UVRAG: variants seen among roughly 807,000 people sequenced by gnomAD.
UVRAG encodes the protein UV radiation resistance-associated gene protein.
UVRAG carries 19 observed loss-of-function variants against 78.0 expected under a neutral mutation model. The observed-to-expected ratio is 0.24, with a 90% CI of 0.17 to 0.36. UVRAG has a LOEUF of 0.36. Among genes scored for constraint, UVRAG ranks in the 10% least tolerant of loss-of-function variants. UVRAG has a pLI of 1.00. For synonymous variants in UVRAG, 323 were observed against 324.6 expected, an observed-to-expected ratio of 1.00 and a Z score of 0.05; for missense variants, 740 against 853.8, an observed-to-expected ratio of 0.87 and a Z score of 1.66.
intron 12 of UVRAG, among the ~76,000 whole-genome samples, chr11:76,025,842 G>A (rs756977663): frequency 2.0e-5 from 3 of 152,018 alleles, no homozygotes; most frequent in Non-Finnish European, 2.9e-5. Context: ...TGCATAAGGC[G>A]GTCATATATC....
In UVRAG at chr11:76,090,331, C is replaced by G. The variant is rs563779095; in HGVS notation, c.1305+24543C>G. Among the ~76,000 whole-genome samples, 157 of 152,174 alleles carry G rather than the reference C, an allele frequency of 1.0e-3. 1 individual carries two copies. The highest frequency in any genetic ancestry group is 3.2e-3 in the Middle Eastern group (1 of 316). On this transcript the variant is annotated intron_variant, in intron 13 of 14. Transcript: ENST00000356136. ...TGCAGACTGTATACATATTAGCCTA[C>G]TACGCCTGCTTGTGCTTCCCCTTCA...
chr11:76,052,104 C>T (rs143876922), intron 12 of UVRAG, among the ~76,000 whole-genome samples: 284 of 152,332 alleles, frequency 1.9e-3, no homozygotes, highest in African/African-American at 6.6e-3. Flanking sequence ...AGCACCTACC[C>T]ATCTCATTTA....
intron 13 of UVRAG, among the ~76,000 whole-genome samples, chr11:76,068,092 T>A (rs966520512): frequency 2.0e-5 from 3 of 152,140 alleles, no homozygotes; most frequent in Non-Finnish European, 2.9e-5. Flanking sequence ...TGTACAGATA[T>A]ACACACACAT....
rs375202578 is a variant in UVRAG at position 75,932,016 on chromosome 11, TG to T, written c.593+19979del. ...CAAGAATCAAGGTCCAGTGGTCCAA[TG>T]GATGGTTTGTCTTTTTTTTCTTTTT... On this transcript the variant is annotated intron_variant, in intron 6 of 14. Coordinates refer to ENST00000356136, the MANE Select transcript of UVRAG (RefSeq NM_003369.4). Among the ~76,000 whole-genome samples the T allele has an allele frequency of 1.1e-3, 160 of 149,930 alleles. 1 individual carries two copies. The East Asian group carries it at 0.026, about 25-fold the overall frequency.
intron 5 of UVRAG, among the ~76,000 whole-genome samples, chr11:75,907,659 A>G (rs909333542): frequency 2.6e-5 from 4 of 151,690 alleles, no homozygotes; most frequent in Non-Finnish European, 4.4e-5. Flanking sequence ...GACTGCAGGC[A>G]TGCATCACCA....
chr11:75,978,571 T>A (rs896609614), intron 7 of UVRAG, among the ~76,000 whole-genome samples: 6 of 152,238 alleles, frequency 3.9e-5, no homozygotes, highest in African/African-American at 1.4e-4. Context: ...TCATTTCTTT[T>A]TACTCTTTTT....
chr11:75,906,231 AC>A (rs113190289), intron 5 of UVRAG, among the ~76,000 whole-genome samples: 10,144 of 152,126 alleles, frequency 0.067, 478 homozygotes, highest in African/African-American at 0.13. Flanking sequence ...ATTTTTTTGT[AC>A]TAATGCTTTT....
Position 76,103,118 on chromosome 11 carries a change from A to G in UVRAG, c.1306-12806A>G, listed in dbSNP as rs1351180856. Among the ~76,000 whole-genome samples the G allele has an allele frequency of 3.9e-5, 6 of 152,194 alleles. No homozygotes were observed. The East Asian group carries it at 1.2e-3, about 29-fold the overall frequency. Reference sequence around the variant, plus strand: ...ATCTTCAGACCAATAATGTCCCATCAAGCCCTTCTCATACTTTGAATCTCT... The same window carrying G: ...ATCTTCAGACCAATAATGTCCCATCGAGCCCTTCTCATACTTTGAATCTCT... On this transcript the variant is annotated intron_variant, in intron 13 of 14. Transcript: ENST00000356136.
rs183810116 is a variant in UVRAG, at chr11:76,080,204, G to C, written c.1305+14416G>C. 5.4e-3 allele frequency among the ~76,000 whole-genome samples: 826 copies of C among 152,224 alleles called. 24 individuals are homozygous for C. Among genetic ancestry groups the C allele is most frequent in the Non-Finnish European group, 1.4e-3 (98 of 68,004 alleles). On this transcript the variant is annotated intron_variant, in intron 13 of 14. Transcript: ENST00000356136. ...CCAAATTTCAACATGAGGTTTGGAG[G>C]GGACATTTAAAACATAGCAAGCATT... is the stretch of plus-strand genomic sequence containing the variant.
intron 13 of UVRAG, among the ~76,000 whole-genome samples, chr11:76,081,562 G>A (rs1951494385): frequency 6.6e-6 from 1 of 151,952 alleles, no homozygotes; most frequent in East Asian, 1.9e-4. Context: ...TAAGAAACTT[G>A]AAGTAAATAA....
chr11:76,025,421 C>T (rs1950310391), intron 12 of UVRAG, among the ~76,000 whole-genome samples: 1 of 152,116 alleles, frequency 6.6e-6, no homozygotes, highest in Non-Finnish European at 1.5e-5. Flanking sequence ...TTTTCAAGGC[C>T]TTAAAAGATG....
intron 6 of UVRAG, among the ~76,000 whole-genome samples, chr11:75,922,567 A>T (rs1460288515): frequency 2.0e-5 from 3 of 152,210 alleles, no homozygotes; most frequent in Non-Finnish European, 2.9e-5. Flanking sequence ...ATAATGTTGA[A>T]AAGTAATAGG....
intron 14 of UVRAG, among the ~76,000 whole-genome samples, chr11:76,126,220 C>T (rs1013644366): frequency 6.6e-6 from 1 of 151,962 alleles, no homozygotes; most frequent in Non-Finnish European, 1.5e-5. Flanking sequence ...GGATTACAGG[C>T]GTGAGCCACC....
At chr11:75,948,786 A>G (rs529500169) in intron 6 of UVRAG, among the ~76,000 whole-genome samples, 100 of 152,290 alleles carry the variant, frequency 6.6e-4, no homozygotes, top group African/African-American at 2.3e-3. Context: ...GAGGGCCTAG[A>G]GTATCTAAAA....
intron 3 of UVRAG, among the ~76,000 whole-genome samples, chr11:75,868,369 C>T (rs928336481): frequency 6.6e-6 from 1 of 152,096 alleles, no homozygotes; most frequent in Non-Finnish European, 1.5e-5. Context: ...GCACATAAGA[C>T]AGAGAGACAG....
At chr11:75,844,323 G>T (rs1210638364) in intron 1 of UVRAG, among the ~76,000 whole-genome samples, 2 of 151,880 alleles carry the variant, frequency 1.3e-5, no homozygotes, top group African/African-American at 2.4e-5. Context: ...CGCCTCCTGG[G>T]TTCACGCCAT....
intron 9 of UVRAG, among the ~76,000 whole-genome samples, chr11:76,006,258 C>T (rs1040638838): frequency 6.6e-6 from 1 of 152,108 alleles, no homozygotes; most frequent in African/African-American, 2.4e-5. Flanking sequence ...ATACTTTGAT[C>T]TACAGTTTCT....
At chr11:76,093,229 G>T (rs559885125) in intron 13 of UVRAG, among the ~76,000 whole-genome samples, 1 of 151,956 alleles carries the variant, frequency 6.6e-6, no homozygotes, top group Non-Finnish European at 1.5e-5. Flanking sequence ...TGCTGTTTTG[G>T]TACCAGTACC....
At chr11:75,867,315 C>T (rs1325716204) in intron 3 of UVRAG, among the ~76,000 whole-genome samples, 1 of 152,220 alleles carries the variant, frequency 6.6e-6, no homozygotes, top group East Asian at 1.9e-4. Context: ...CTCCTCCCCT[C>T]TCCAGTCGCT....
Sources: gnomAD v4.1 joint callset for allele counts (sites outside exome capture counted in the v4.1 genomes callset) on GRCh38, gnomAD v4.1.1 for gene constraint, MANE v1.5 for transcripts, NCBI Gene and HGNC (gene_info 2026-07-23, HGNC 2026-07-21) for gene names.